The following CDKN2B-AS1 variants were observed in gnomAD, a reference collection of about 807,000 sequenced individuals.
The protein encoded by CDKN2B-AS1 is CDKN2B and CDKN2A antisense cis and trans regulatory RNA 1.
intron 4 of CDKN2B-AS1, among the ~76,000 whole-genome samples, chr9:22,110,294 G>A (rs894948455): frequency 6.6e-6 from 1 of 152,110 alleles, no homozygotes; most frequent in Non-Finnish European, 1.5e-5. Context: ...ATTTAACCAG[G>A]TAGAATTCTT....
intron 1 of CDKN2B-AS1, among the ~76,000 whole-genome samples, chr9:22,033,847 C>A (rs1245555006): frequency 6.6e-6 from 1 of 152,178 alleles, no homozygotes; most frequent in Non-Finnish European, 1.5e-5. Flanking sequence ...TTTGTTGGCA[C>A]TGAATGTGCT....
At chr9:22,040,289 T>C (rs747349534) in intron 1 of CDKN2B-AS1, among the ~76,000 whole-genome samples, 2 of 151,686 alleles carry the variant, frequency 1.3e-5, no homozygotes, top group Non-Finnish European at 2.9e-5. Context: ...TAGTGCCATC[T>C]ATATACAAAT....
intron 1 of CDKN2B-AS1, chr9:22,004,079 A>T: frequency 4.3e-6 from 1 of 232,674 alleles, no homozygotes; most frequent in Non-Finnish European, 8.5e-6. Flanking sequence ...TCTGGGAAAC[A>T]ATACCTATCT....
chr9:22,026,704 C>T (rs978484506), intron 1 of CDKN2B-AS1, among the ~76,000 whole-genome samples: 4 of 152,160 alleles, frequency 2.6e-5, no homozygotes, highest in African/African-American at 9.7e-5. Context: ...GGGGGTCTAA[C>T]CTCCAGCTTT....
At chr9:22,064,658 T>C (rs957919146) in intron 4 of CDKN2B-AS1, among the ~76,000 whole-genome samples, 11 of 152,182 alleles carry the variant, frequency 7.2e-5, no homozygotes, top group Non-Finnish European at 1.6e-4. Context: ...TTTGTCCCAG[T>C]CGTGTGTGGG....
chr9:22,027,497 A>G (rs187078368), intron 1 of CDKN2B-AS1, among the ~76,000 whole-genome samples: 12 of 152,310 alleles, frequency 7.9e-5, no homozygotes, highest in Admixed American at 2.0e-4. Flanking sequence ...CTCTCTATTC[A>G]TTCTTACCAA....
chr9:22,127,333 G>A (rs1818034631), exon 5 of CDKN2B-AS1, among the ~76,000 whole-genome samples: 4 of 152,130 alleles, frequency 2.6e-5, no homozygotes, highest in Admixed American at 2.0e-4. Context: ...ACCTGCCTTC[G>A]CCTCCCAAAG....
rs1350930513 is a variant in CDKN2B-AS1, at chr9:21,996,826, G to A, written n.29+1665G>A. ...TGTCATTTAAAGATACTGGAGGAAT[G>A]GAGTGGGAGCGGTGAGGGTTTCTTG... On this transcript the variant is annotated intron_variant and non_coding_transcript_variant, in intron 1 of 4. Coordinates refer to ENST00000650946, the Ensembl canonical transcript of CDKN2B-AS1. The surrounding 1 kb of genome is among the most constrained non-coding windows in gnomAD (Gnocchi z 5.4). Among the ~76,000 whole-genome samples, 1 of 152,212 alleles carries A rather than the reference G, an allele frequency of 6.6e-6. No homozygotes were observed. The highest frequency in any genetic ancestry group is 1.5e-5 in the Non-Finnish European group (1 of 68,038).
At chr9:22,081,854 G>A (rs1824709350) in intron 4 of CDKN2B-AS1, among the ~76,000 whole-genome samples, 1 of 152,202 alleles carries the variant, frequency 6.6e-6, no homozygotes, top group South Asian at 2.1e-4. Flanking sequence ...GTGAAAGCTG[G>A]CTATCATCAT....
intron 1 of CDKN2B-AS1, among the ~76,000 whole-genome samples, chr9:22,025,550 C>A (rs1428004983): frequency 6.6e-6 from 1 of 152,190 alleles, no homozygotes; most frequent in African/African-American, 2.4e-5. Context: ...GAATGGGCAC[C>A]CACATAACAG....
chr9:22,056,540 G>T (rs1174601571), intron 4 of CDKN2B-AS1, among the ~76,000 whole-genome samples: 1 of 152,066 alleles, frequency 6.6e-6, no homozygotes, highest in Non-Finnish European at 1.5e-5. Context: ...CATGGACACA[G>T]GTGACTGTTT....
At chr9:22,090,287 TA>T (rs994257325) in intron 4 of CDKN2B-AS1, among the ~76,000 whole-genome samples, 5 of 152,144 alleles carry the variant, frequency 3.3e-5, no homozygotes, top group African/African-American at 1.2e-4. Flanking sequence ...ACAATAAACA[TA>T]CGTGTGCATG....
chr9:22,002,451 G>A (rs1820962626), intron 1 of CDKN2B-AS1, among the ~76,000 whole-genome samples: 3 of 149,938 alleles, frequency 2.0e-5, no homozygotes, highest in Admixed American at 2.0e-4. Flanking sequence ...TAAAATAATT[G>A]AGGGGTAATT....
intron 4 of CDKN2B-AS1, among the ~76,000 whole-genome samples, chr9:22,102,234 T>TC (rs1825511412): frequency 6.6e-6 from 1 of 152,190 alleles, no homozygotes. Context: ...TCTGTTTTTT[T>TC]CCCCGGCTTT....
At chr9:22,043,665 A>G (rs1373573081) in intron 1 of CDKN2B-AS1, among the ~76,000 whole-genome samples, 1 of 151,986 alleles carries the variant, frequency 6.6e-6, no homozygotes, top group East Asian at 1.9e-4. Context: ...CATCTTCATG[A>G]TTATGCTATT....
chr9:22,009,127 G>A (rs1821357273), intron 1 of CDKN2B-AS1: 2 of 858,346 alleles, frequency 2.3e-6, no homozygotes, highest in Non-Finnish European at 3.7e-6. Flanking sequence ...CCCGTGCAGT[G>A]GCCGAGCGGC....
intron 1 of CDKN2B-AS1, among the ~76,000 whole-genome samples, chr9:22,014,797 C>A (rs1285820433): frequency 8.1e-6 from 1 of 123,866 alleles, no homozygotes; most frequent in Non-Finnish European, 1.6e-5. Context: ...GTGTGATGTT[C>A]CCCTTCCTGT....
chr9:22,076,400 T>C (rs1366403524), intron 4 of CDKN2B-AS1, among the ~76,000 whole-genome samples: 1 of 152,128 alleles, frequency 6.6e-6, no homozygotes. Context: ...TCTCTCAAAA[T>C]AGCAAAGAAC....
intron 4 of CDKN2B-AS1, among the ~76,000 whole-genome samples, chr9:22,124,339 A>T (rs1311596533): frequency 6.6e-6 from 1 of 152,178 alleles, no homozygotes; most frequent in Non-Finnish European, 1.5e-5. Context: ...AGTTTCAAGA[A>T]ATTAAAAGCT....
Sources: gnomAD v4.1 joint callset for allele counts (sites outside exome capture counted in the v4.1 genomes callset) on GRCh38, gnomAD v4.1.1 for gene constraint, Gnocchi (gnomAD v3.1) non-coding constraint, MANE v1.5 for transcripts, NCBI Gene and HGNC (gene_info 2026-07-23, HGNC 2026-07-21) for gene names.